Variants in UVSSA observed in about 807,000 individuals in gnomAD.
UVSSA encodes UV stimulated scaffold protein A.
Under a neutral mutation model 73.9 loss-of-function variants are expected in UVSSA, and 72 were observed. That is an observed-to-expected ratio of 0.97 (90% CI 0.81 to 1.19). UVSSA has a LOEUF of 1.19. Ranked by LOEUF, UVSSA falls within the 50% of genes most tolerant of loss-of-function variation. The pLI, the probability that UVSSA is intolerant of heterozygous loss-of-function variation, is 0.00. For missense variants in UVSSA, 1,150 were observed against 965.0 expected, an observed-to-expected ratio of 1.19 and a Z score of -2.54; for synonymous variants, 454 against 391.3, an observed-to-expected ratio of 1.16 and a Z score of -1.89.
At chr4:1,366,518 A>G in intron 8 of UVSSA, 87 bp downstream of exon 8, 1 of 952,850 alleles carries the variant, frequency 1.0e-6, no homozygotes, top group African/African-American at 1.6e-5. Context: ...CCTCAGGGGC[A>G]GGGCCTGGAG....
intron 8 of UVSSA, among the ~76,000 whole-genome samples, chr4:1,371,524 C>T (rs1455045089): frequency 6.6e-6 from 1 of 152,170 alleles, no homozygotes; most frequent in Non-Finnish European, 1.5e-5. Flanking sequence ...CTGATAAGGA[C>T]ATACCTGAGA....
intron 1 of UVSSA, 111 bp downstream of exon 1, chr4:1,347,871 G>A: frequency 1.8e-6 from 1 of 545,746 alleles, no homozygotes; most frequent in Non-Finnish European, 3.3e-6. Flanking sequence ...CGGGATTGTA[G>A]AGGTCCCGAG....
At position 1,383,948 on chromosome 4, in the gene UVSSA, T is replaced by A; in HGVS notation, c.2036+8T>A. On this transcript the variant is annotated splice_region_variant and intron_variant, in intron 13 of 13. Coordinates refer to ENST00000389851, the MANE Select transcript of UVSSA (RefSeq NM_020894.4). ...GAGAAAAGTCTTCGCCAAGTAAGAG[T>A]GGCTGCTGGGTCACCTCCCACCGCG... The A allele has an allele frequency of 6.2e-7, 1 of 1,607,134 alleles. No individual in the cohort carries two copies. Among genetic ancestry groups the A allele is most frequent in the Non-Finnish European group, 8.5e-7 (1 of 1,177,332 alleles).
In UVSSA at chr4:1,354,840, G is replaced by A. The variant is rs748398748; in HGVS notation, c.1040G>A (p.Trp347Ter). 16 of 1,605,138 alleles carry A rather than the reference G, an allele frequency of 1.0e-5. 1 individual carries two copies. Among genetic ancestry groups the A allele is most frequent in the Middle Eastern group, 3.3e-4 (2 of 6,030 alleles). ...AAGTTCCTGCCGGCTGTGTGCTCGT[G>A]GATCCAGGTGAGCCTCGAACCTGGG... ...RNKFLPAVCS[W>*]IQRFTRVGTH... The change falls in exon 6 of 14, where the codon TGG becomes TAG. Residue 347 changes from tryptophan to a stop codon, truncating the protein, a stop_gained. Coordinates refer to ENST00000389851, the MANE Select transcript of UVSSA (RefSeq NM_020894.4). LOFTEE classifies it high-confidence loss of function.
intron 8 of UVSSA, among the ~76,000 whole-genome samples, chr4:1,370,764 G>C (rs1033539625): frequency 1.1e-4 from 16 of 152,256 alleles, no homozygotes; most frequent in Non-Finnish European, 2.4e-4. Flanking sequence ...CATGTGCCAG[G>C]CTGACCTCTG....
intron 13 of UVSSA, 147 bp from the exon 14 acceptor site, chr4:1,385,721 C>T: frequency 1.3e-6 from 1 of 785,210 alleles, no homozygotes; most frequent in Admixed American, 2.2e-5. Flanking sequence ...CCATCTGTCT[C>T]TGAAGGTGGC....
At chr4:1,345,158 G>A (rs1443076797), upstream of UVSSA, among the ~76,000 whole-genome samples, 3 of 152,152 alleles carry the variant, frequency 2.0e-5, no homozygotes, top group Non-Finnish European at 4.4e-5. Flanking sequence ...ACAAGGTGAC[G>A]GCAGTGACCT....
intron 7 of UVSSA, among the ~76,000 whole-genome samples, chr4:1,360,266 C>G (rs900620538): frequency 1.3e-5 from 2 of 152,338 alleles, no homozygotes; most frequent in Non-Finnish European, 2.9e-5. Context: ...GGCCTTGTGC[C>G]AGCCCTCCCT....
upstream of UVSSA, among the ~76,000 whole-genome samples, chr4:1,344,216 T>C (rs1357132664): frequency 1.3e-5 from 2 of 152,224 alleles, no homozygotes; most frequent in Non-Finnish European, 2.9e-5. Context: ...TTATCATCTC[T>C]AAGTTTCCAT....
intron 5 of UVSSA, chr4:1,354,476 C>T: frequency 3.9e-6 from 2 of 508,530 alleles, no homozygotes; most frequent in Non-Finnish European, 7.2e-6. Flanking sequence ...GATGGGATGG[C>T]TGCAGCCAAG....
At chr4:1,343,948 TCA>T (rs1256162648), upstream of UVSSA, among the ~76,000 whole-genome samples, 1 of 152,188 alleles carries the variant, frequency 6.6e-6, no homozygotes, top group Non-Finnish European at 1.5e-5. Context: ...TTACATCACC[TCA>T]GTTTTTAAAG....
intron 4 of UVSSA, 112 bp from the exon 5 acceptor site, chr4:1,352,918 T>C (rs573495247): frequency 5.1e-5 from 71 of 1,401,630 alleles, no homozygotes; most frequent in Admixed American, 3.2e-4. Flanking sequence ...GCATTCCACC[T>C]GGTGCTGAAA....
chr4:1,385,702 G>A, intron 13 of UVSSA, 166 bp from the exon 14 acceptor site: 1 of 675,232 alleles, frequency 1.5e-6, no homozygotes, highest in South Asian at 1.8e-5. Context: ...GGGCCAAGGG[G>A]CCCGTCGCCC....
intron 8 of UVSSA, among the ~76,000 whole-genome samples, chr4:1,374,327 C>T (rs1057023930): frequency 1.3e-5 from 2 of 152,244 alleles, no homozygotes; most frequent in Non-Finnish European, 2.9e-5. Flanking sequence ...ATCCCGACGC[C>T]TCAGGACACC....
At chr4:1,346,316 G>T (rs959338829), upstream of UVSSA, among the ~76,000 whole-genome samples, 1 of 151,946 alleles carries the variant, frequency 6.6e-6, no homozygotes, top group African/African-American at 2.4e-5. Flanking sequence ...CCTGCACCCA[G>T]CCCCGGGAGC....
downstream of UVSSA, chr4:1,392,230 T>C (rs1197399268): frequency 6.6e-6 from 1 of 152,270 alleles, no homozygotes; most frequent in Non-Finnish European, 1.5e-5. Flanking sequence ...TTCTTGGTGC[T>C]GTATTTGTCA....
chr4:1,375,230 G>T, intron 8 of UVSSA, 134 bp from the exon 9 acceptor site: 1 of 1,427,230 alleles, frequency 7.0e-7, no homozygotes, highest in South Asian at 1.3e-5. Flanking sequence ...GGAGCAGATA[G>T]CAGGCACCCA....
chr4:1,354,661 A>G (rs1715378224), intron 5 of UVSSA, 74 bp from the exon 6 acceptor site: 2 of 1,387,434 alleles, frequency 1.4e-6, no homozygotes, highest in South Asian at 1.2e-5. Context: ...CCTTCCTTGC[A>G]TGGTCTGCCT....
chr4:1,372,381 C>T (rs1403730765), intron 8 of UVSSA, among the ~76,000 whole-genome samples: 5 of 152,330 alleles, frequency 3.3e-5, no homozygotes, highest in East Asian at 1.9e-4. Flanking sequence ...GTCCTTGTCT[C>T]GTTTCCTTCT....
Sources: allele counts gnomAD v4.1 joint callset (sites outside exome capture counted in the v4.1 genomes callset), GRCh38; gene constraint gnomAD v4.1.1; transcripts MANE v1.5; gene names NCBI Gene and HGNC (gene_info 2026-07-23, HGNC 2026-07-21).